The following ADAMTSL1 variants were observed in gnomAD, a reference collection of about 807,000 sequenced individuals.
ADAMTSL1 encodes ADAMTS-like protein 1.
A neutral mutation model predicts 201.8 loss-of-function variants in ADAMTSL1; 126 were observed. That is an observed-to-expected ratio of 0.62 (90% CI 0.54 to 0.72). The LOEUF is 0.72. Among genes scored for constraint, ADAMTSL1 ranks in the 30% least tolerant of loss-of-function variants. ADAMTSL1 has a pLI of 0.00. For missense variants in ADAMTSL1, 2,679 were observed against 2,277.8 expected (o/e 1.18, Z -3.59); for synonymous variants, 1,121 against 903.4 (o/e 1.24, Z -4.32).
chr9:18,471,812 T>C (rs1821225990), upstream of ADAMTSL1, among the ~76,000 whole-genome samples: 1 of 152,246 alleles, frequency 6.6e-6, no homozygotes, highest in Non-Finnish European at 1.5e-5. Flanking sequence ...GATGACCATC[T>C]TGCTGTACAT....
chr9:17,908,456 G>C (rs1315897470), intron 1 of ADAMTSL1, among the ~76,000 whole-genome samples: 6 of 151,710 alleles, frequency 4.0e-5, no homozygotes, highest in Admixed American at 3.9e-4. Flanking sequence ...CTGCCTTAAT[G>C]TGACTTTTTT....
In ADAMTSL1 at chr9:17,975,221, T is replaced by C. The variant is rs369435631; in HGVS notation, c.87+68299T>C. Among the ~76,000 whole-genome samples, 44 of 152,224 alleles carry C rather than the reference T, an allele frequency of 2.9e-4. 1 individual carries two copies. In the South Asian group the frequency reaches 8.7e-3, roughly 30 times the overall value. ...TTTTTAATTGGGTCATTTTTTTTTC[T>C]TTGGCTACTGAGTTGTATGAGTTCT... On this transcript the variant is annotated intron_variant, in intron 1 of 29. Coordinates refer to the ADAMTSL1 transcript ENST00000680146.
chr9:18,140,480 T>G (rs994142918), intron 1 of ADAMTSL1, among the ~76,000 whole-genome samples: 2 of 152,128 alleles, frequency 1.3e-5, no homozygotes, highest in East Asian at 1.9e-4. Context: ...CAGCAACAAG[T>G]TGGACACACA....
chr9:17,970,244 C>G (rs532231009), intron 1 of ADAMTSL1, among the ~76,000 whole-genome samples: 1 of 152,146 alleles, frequency 6.6e-6, no homozygotes, highest in East Asian at 1.9e-4. Flanking sequence ...TTAACCTCTT[C>G]CTGCAAGGAC....
At chr9:18,204,418 TG>T (rs374220252) in intron 2 of ADAMTSL1, among the ~76,000 whole-genome samples, 1,736 of 152,242 alleles carry the variant, frequency 0.011, 46 homozygotes, top group African/African-American at 0.04. Flanking sequence ...GTAAGTTTCT[TG>T]AGGCCTCTCC....
chr9:18,094,187 T>C (rs1824144041), intron 1 of ADAMTSL1, among the ~76,000 whole-genome samples: 1 of 152,188 alleles, frequency 6.6e-6, no homozygotes, highest in South Asian at 2.1e-4. Context: ...AAAATTTTAA[T>C]GTGTTCTTTC....
intron 4 of ADAMTSL1, among the ~76,000 whole-genome samples, chr9:18,585,482 A>T (rs1374885075): frequency 6.6e-6 from 1 of 152,064 alleles, no homozygotes; most frequent in Non-Finnish European, 1.5e-5. Context: ...ATTCTGTGGG[A>T]TAACTTTATT....
chr9:18,681,412 T>C (rs1279111064), intron 11 of ADAMTSL1: 2 of 153,136 alleles, frequency 1.3e-5, no homozygotes, highest in Admixed American at 1.3e-4. Context: ...TAGGGGTATT[T>C]CCCATATTTT....
intron 2 of ADAMTSL1, among the ~76,000 whole-genome samples, chr9:18,189,353 C>G (rs1828873906): frequency 6.6e-6 from 1 of 151,980 alleles, no homozygotes; most frequent in African/African-American, 2.4e-5. Flanking sequence ...TAAATTTTAC[C>G]ATTGTCATTC....
chr9:18,673,415 C>T (rs1465728344), intron 9 of ADAMTSL1, among the ~76,000 whole-genome samples: 2 of 152,226 alleles, frequency 1.3e-5, no homozygotes, highest in Admixed American at 1.3e-4. Context: ...TTTCTGTTTT[C>T]ACAGGTGCTA....
At chr9:17,999,325 C>T (rs1819513552) in intron 1 of ADAMTSL1, among the ~76,000 whole-genome samples, 7 of 151,918 alleles carry the variant, frequency 4.6e-5, no homozygotes, top group Admixed American at 4.6e-4. Flanking sequence ...GAAGGGGCCA[C>T]TGTGAAAGCT....
chr9:18,780,752 T>C (rs747548823), intron 19 of ADAMTSL1, among the ~76,000 whole-genome samples: 2 of 152,204 alleles, frequency 1.3e-5, no homozygotes, highest in Admixed American at 6.5e-5. Context: ...TTCAGAAATG[T>C]GACTGGTTTT....
At position 18,892,561 on chromosome 9, in the gene ADAMTSL1, C is replaced by T. The variant is rs1235345180; in HGVS notation, c.4816C>T (p.Leu1606=). 1.9e-6 allele frequency: 3 copies of T among 1,574,316 alleles called. No individual in the cohort carries two copies. Among genetic ancestry groups the T allele is most frequent in the Non-Finnish European group, 2.6e-6 (3 of 1,159,700 alleles). ...GGACACCCAGGCCTGTAACCAGCAG[C>T]TGTGTGTGGAGTGGGCCTTCTCCAG... is the stretch of plus-strand genomic sequence containing the variant. ...PVDTQACNQQ[L]CVEWAFSSWG... is the part of the protein sequence containing the mutation. Residue 1606 remains leucine (L), a synonymous_variant, in exon 26 of 29, where the codon CTG becomes TTG. Transcript: ENST00000380548.
intron 3 of ADAMTSL1, among the ~76,000 whole-genome samples, chr9:18,558,209 T>C (rs532875003): frequency 6.6e-6 from 1 of 152,252 alleles, no homozygotes; most frequent in African/African-American, 2.4e-5. Flanking sequence ...TTTCCCTGTG[T>C]CCATGTGTTC....
intron 2 of ADAMTSL1, among the ~76,000 whole-genome samples, chr9:18,202,910 A>G (rs1395979301): frequency 6.6e-6 from 1 of 152,124 alleles, no homozygotes; most frequent in Non-Finnish European, 1.5e-5. Flanking sequence ...TGCTCTTTCC[A>G]GAGCTAACTA....
chr9:18,448,218 G>A (rs1176207980), intron 2 of ADAMTSL1, among the ~76,000 whole-genome samples: 1 of 152,182 alleles, frequency 6.6e-6, no homozygotes, highest in Non-Finnish European at 1.5e-5. Flanking sequence ...CAGGAAGAAT[G>A]TTAAGGAGGA....
At chr9:18,893,655 A>G (rs994578914) in intron 26 of ADAMTSL1, among the ~76,000 whole-genome samples, 4 of 152,230 alleles carry the variant, frequency 2.6e-5, no homozygotes, top group Non-Finnish European at 4.4e-5. Flanking sequence ...GAGGCATTAC[A>G]GATTGCAGAC....
intron 3 of ADAMTSL1, among the ~76,000 whole-genome samples, chr9:18,552,930 T>G (rs1462093366): frequency 6.6e-6 from 1 of 151,672 alleles, no homozygotes; most frequent in East Asian, 1.9e-4. Context: ...GTAAATATTT[T>G]TAATTTTTAA....
intron 2 of ADAMTSL1, among the ~76,000 whole-genome samples, chr9:18,271,322 C>T (rs1832354115): frequency 6.6e-6 from 1 of 151,918 alleles, no homozygotes; most frequent in Non-Finnish European, 1.5e-5. Flanking sequence ...CTAATGCTAT[C>T]CCTCCCCACT....
Sources: gnomAD v4.1 joint callset for allele counts (sites outside exome capture counted in the v4.1 genomes callset) on GRCh38, gnomAD v4.1.1 for gene constraint, MANE v1.5 for transcripts, NCBI Gene and HGNC (gene_info 2026-07-23, HGNC 2026-07-21) for gene names.